GPC6: variants seen among roughly 807,000 people sequenced by gnomAD.
The protein encoded by GPC6 is glypican-6.
A neutral mutation model predicts 55.2 loss-of-function variants in GPC6; 14 were observed. That is an observed-to-expected ratio of 0.25 (90% CI 0.17 to 0.40). GPC6 has a LOEUF of 0.40. Ranked by LOEUF, GPC6 falls within the 10% of genes least tolerant of loss-of-function variation. The pLI is 1.00. For missense variants in GPC6, 641 were observed against 708.5 expected, an observed-to-expected ratio of 0.90 and a Z score of 1.08; for synonymous variants, 278 against 259.6, an observed-to-expected ratio of 1.07 and a Z score of -0.68.
At chr13:93,541,216 C>T (rs1291965103) in intron 1 of GPC6, among the ~76,000 whole-genome samples, 1 of 140,448 alleles carries the variant, frequency 7.1e-6, no homozygotes, top group African/African-American at 2.7e-5. Flanking sequence ...TGATGTTCCC[C>T]TTCCTGTGTC....
intron 2 of GPC6, among the ~76,000 whole-genome samples, chr13:93,569,978 T>G (rs535760935): frequency 6.6e-6 from 1 of 152,100 alleles, no homozygotes; most frequent in Admixed American, 6.5e-5. Context: ...CATTACTCAT[T>G]GTTAATCTCT....
intron 2 of GPC6, among the ~76,000 whole-genome samples, chr13:93,611,453 A>G (rs866879244): frequency 1.3e-5 from 2 of 152,190 alleles, no homozygotes; most frequent in Admixed American, 6.5e-5. Context: ...ATTGTAGTAC[A>G]GATGTATTTT....
At chr13:94,239,011 A>T (rs1890968115) in intron 4 of GPC6, among the ~76,000 whole-genome samples, 1 of 152,170 alleles carries the variant, frequency 6.6e-6, no homozygotes, top group South Asian at 2.1e-4. Flanking sequence ...TAAAATAAAG[A>T]TTGTTTTCAC....
At chr13:93,911,141 T>C (rs542481342) in intron 3 of GPC6, among the ~76,000 whole-genome samples, 140 of 152,348 alleles carry the variant, frequency 9.2e-4, no homozygotes, top group African/African-American at 3.2e-3. Flanking sequence ...AATTAAATTC[T>C]ATACAAAGAG....
At chr13:93,355,836 G>A (rs967535054) in intron 1 of GPC6, among the ~76,000 whole-genome samples, 21 of 152,088 alleles carry the variant, frequency 1.4e-4, no homozygotes, top group African/African-American at 4.8e-4. Flanking sequence ...TAAAAAGGAA[G>A]TATGGGGTGC....
At chr13:93,858,250 T>C (rs1005763417) in intron 3 of GPC6, among the ~76,000 whole-genome samples, 5 of 151,644 alleles carry the variant, frequency 3.3e-5, no homozygotes, top group African/African-American at 1.2e-4. Flanking sequence ...TACTATCTGT[T>C]GTTTTGTTAA....
upstream of GPC6, among the ~76,000 whole-genome samples, chr13:93,221,999 C>T (rs387992): frequency 0.96 from 145,416 of 152,262 alleles, 69,786 homozygotes; most frequent in East Asian, 1. Context: ...ATAAATTCTG[C>T]TGTAGCTCTG....
At chr13:93,484,384 ATTTG>A (rs1480028580) in intron 1 of GPC6, among the ~76,000 whole-genome samples, 3 of 152,214 alleles carry the variant, frequency 2.0e-5, no homozygotes, top group Admixed American at 2.0e-4. Flanking sequence ...TCTCACTGGT[ATTTG>A]TTTGTAATCT....
intron 3 of GPC6, among the ~76,000 whole-genome samples, chr13:94,026,569 C>A (rs1882906702): frequency 6.6e-6 from 1 of 152,058 alleles, no homozygotes. Context: ...ACAATTTTTA[C>A]ATCTAGTCAT....
chr13:93,696,486 G>T (rs1882456056), intron 2 of GPC6, among the ~76,000 whole-genome samples: 1 of 150,688 alleles, frequency 6.6e-6, no homozygotes, highest in South Asian at 2.1e-4. Context: ...TTCATCATTA[G>T]CTATGAAGAA....
intron 1 of GPC6, among the ~76,000 whole-genome samples, chr13:93,399,658 G>T (rs1438043859): frequency 6.6e-6 from 1 of 152,232 alleles, no homozygotes; most frequent in Non-Finnish European, 1.5e-5. Flanking sequence ...CAGGAAGAAT[G>T]AATTTCTTCC....
chr13:94,244,412 T>C (rs780563402), intron 4 of GPC6, among the ~76,000 whole-genome samples: 6 of 152,070 alleles, frequency 3.9e-5, no homozygotes, highest in Non-Finnish European at 8.8e-5. Context: ...AGTTAAGGAT[T>C]TGGGCACTAT....
chr13:93,574,557 G>A (rs574408511), intron 2 of GPC6, among the ~76,000 whole-genome samples: 33 of 152,172 alleles, frequency 2.2e-4, no homozygotes, highest in African/African-American at 7.5e-4. Context: ...ATCATGTTTT[G>A]TTACATCAGC....
At chr13:93,570,433 T>C (rs985800210) in intron 2 of GPC6, among the ~76,000 whole-genome samples, 3 of 152,154 alleles carry the variant, frequency 2.0e-5, no homozygotes, top group African/African-American at 7.2e-5. Flanking sequence ...GGCACAGATG[T>C]TTATGTATTA....
At chr13:93,406,629 A>C (rs976452149) in intron 1 of GPC6, among the ~76,000 whole-genome samples, 6 of 152,206 alleles carry the variant, frequency 3.9e-5, no homozygotes, top group Admixed American at 1.3e-4. Flanking sequence ...GTGAGACATG[A>C]ATTAAGAATT....
intron 1 of GPC6, among the ~76,000 whole-genome samples, chr13:93,384,907 T>C (rs1173471552): frequency 6.6e-6 from 1 of 152,218 alleles, no homozygotes. Context: ...GTGCTGGCCA[T>C]GTGCCAGGCA....
chr13:93,594,587 A>G (rs1035327612), intron 2 of GPC6, among the ~76,000 whole-genome samples: 4 of 152,074 alleles, frequency 2.6e-5, no homozygotes, highest in African/African-American at 9.7e-5. Flanking sequence ...CAGAGACCTA[A>G]GGAGAATAGG....
In GPC6 at chr13:94,298,956, C is replaced by G. The variant is rs972363519; in HGVS notation, c.1009-7024C>G. On this transcript the variant is annotated intron_variant, in intron 5 of 8. Transcript: ENST00000377047. ...GTCTTTCCTTTCCTATCTTTTCTTT[C>G]TCATTACAGAAATCTACATGCTAAT... is the stretch of plus-strand genomic sequence containing the variant. Among the ~76,000 whole-genome samples, 10 of 152,298 alleles carry G rather than the reference C, an allele frequency of 6.6e-5. No individual in the cohort carries two copies. In the South Asian group the frequency reaches 1.9e-3, roughly 28 times the overall value.
intron 4 of GPC6, among the ~76,000 whole-genome samples, chr13:94,081,844 C>CTTTTTTTTTTTTTTTTTTTTTT (rs201141414): frequency 1.5e-5 from 2 of 132,992 alleles, no homozygotes; most frequent in African/African-American, 5.6e-5. Context: ...TACTACTTTC[C>CTTTTTTTTTTTTTTTTTTTTTT]TTTTTTTTTT....
Sources: gnomAD v4.1 joint callset for allele counts (sites outside exome capture counted in the v4.1 genomes callset) on GRCh38, gnomAD v4.1.1 for gene constraint, MANE v1.5 for transcripts, NCBI Gene and HGNC (gene_info 2026-07-23, HGNC 2026-07-21) for gene names.